Variants in DST observed in about 807,000 individuals in gnomAD.
DST encodes the protein dystonin, also known as bullous pemphigoid antigen.
A neutral mutation model predicts 875.2 loss-of-function variants in DST; 253 were observed. The observed-to-expected ratio is 0.29, with a 90% CI of 0.26 to 0.32. The LOEUF (loss-of-function observed/expected upper bound fraction) is 0.32, where lower values mean the gene tolerates loss of function less well. Ranked by LOEUF, DST falls within the 10% of genes least tolerant of loss-of-function variation. The pLI, the probability that DST is intolerant of heterozygous loss-of-function variation, is 1.00. For synonymous variants in DST, 3,124 were observed against 3,197.1 expected (o/e 0.98, Z 0.77); for missense variants, 8,287 against 9,111.6 (o/e 0.91, Z 3.68).
In DST at chr6:56,701,907, T is replaced by G. The variant is rs769914603; in HGVS notation, c.935A>C (p.Asp312Ala). 1.9e-6 allele frequency: 3 copies of G among 1,609,910 alleles called. No homozygotes were observed. The South Asian group carries it at 3.3e-5, about 18-fold the overall frequency. Residue 312 changes from aspartate (D) to alanine (A), a missense_variant, in exon 8 of 104, where the codon GAC becomes GCC. This residue lies in a region of DST where 1,160 missense variants were observed against 1,424.3 expected (regional missense o/e 0.81). Transcript: ENST00000680361. ...HRLQNVQIAL[D>A]YLKRRQVKLV... ...TCATACCTGGCGTCTTTTCAAATAG[T>G]CAAGTGCAATTTGTACATTCTGTAG...
intron 9 of DST, among the ~76,000 whole-genome samples, chr6:56,684,765 G>C (rs184064829): frequency 3.9e-5 from 6 of 152,314 alleles, no homozygotes; most frequent in African/African-American, 9.6e-5. Context: ...GCTGCACATA[G>C]ATAGGTCATG....
intron 10 of DST, among the ~76,000 whole-genome samples, chr6:56,666,829 G>A (rs2099074698): frequency 6.7e-6 from 1 of 149,266 alleles, no homozygotes; most frequent in African/African-American, 2.5e-5. Context: ...TCGACCTCCT[G>A]GACTCAAGCT....
At position 56,734,920 on chromosome 6, in the gene DST, T is replaced by A. The variant is rs79184672; in HGVS notation, c.687+308A>T. The stretch of plus-strand genomic sequence containing the variant: ...CTTACTAAGAAATGTAGCTTTTCCA[T>A]GCACTAACATATAAATATTTACAGA... On this transcript the variant is annotated intron_variant, in intron 5 of 103. Transcript: ENST00000680361. 2,133 of 246,612 alleles carry A rather than the reference T, an allele frequency of 8.6e-3. 49 individuals carry two copies. The highest frequency in any genetic ancestry group is 0.045 in the African/African-American group (1,926 of 43,178). 15.3% of individuals were successfully genotyped at this position (246,612 alleles called of 1,614,324 possible).
chr6:56,608,086 T>C lies in DST; in HGVS notation c.6542A>G (p.Asp2181Gly). Residue 2181 changes from aspartate to glycine, a missense_variant, in exon 40 of 104, where the codon GAT (aspartate) becomes GGT (glycine). Coordinates refer to ENST00000680361, the MANE Select transcript of DST (RefSeq NM_001374736.1). ...STVHDYRQEE[D>G]VFDGEEPVTT... ...GACAGGTTCTTCTCCATCAAAAACA[T>C]CCTCTTCTTGTCTGTAATCATGAAC... is the stretch of plus-strand genomic sequence containing the variant. 1.2e-6 allele frequency: 2 copies of C among 1,613,680 alleles called. No individual in the cohort carries two copies. The highest frequency in any genetic ancestry group is 1.7e-6 in the Non-Finnish European group (2 of 1,179,758).
intron 36 of DST, among the ~76,000 whole-genome samples, chr6:56,623,544 A>C (rs2098708549): frequency 1.3e-5 from 2 of 152,178 alleles, no homozygotes; most frequent in Admixed American, 1.3e-4. Context: ...GAACAGACTA[A>C]AACAGTTTAT....
intron 85 of DST, among the ~76,000 whole-genome samples, chr6:56,491,957 G>A (rs1042846645): frequency 6.6e-6 from 1 of 152,072 alleles, no homozygotes; most frequent in African/African-American, 2.4e-5. Flanking sequence ...CTTCTTTCTG[G>A]GCCTCAATGA....
chr6:56,475,126 T>C (rs767223768), intron 92 of DST, among the ~76,000 whole-genome samples: 70 of 152,280 alleles, frequency 4.6e-4, no homozygotes, highest in Non-Finnish European at 5.7e-4. Flanking sequence ...AAGGTTTAAC[T>C]ATCTTGCCAC....
At chr6:56,920,149 A>C (rs142174498) in intron 2 of DST, among the ~76,000 whole-genome samples, 9 of 152,314 alleles carry the variant, frequency 5.9e-5, no homozygotes, top group South Asian at 2.1e-4. Context: ...AAGAGATCCA[A>C]AAGTACAGCT....
chr6:56,693,171 C>A, intron 9 of DST: 1 of 1,259,130 alleles, frequency 7.9e-7, no homozygotes, highest in Non-Finnish European at 1.0e-6. Context: ...GAGATCACAG[C>A]TCCATAGATT....
At chr6:56,735,939 G>A (rs969722603) in intron 4 of DST, among the ~76,000 whole-genome samples, 8 of 152,016 alleles carry the variant, frequency 5.3e-5, no homozygotes, top group East Asian at 3.9e-4. Flanking sequence ...TGCAACCTCC[G>A]CCTCTGCCTC....
At chr6:56,701,766 A>G (rs1179769715) in intron 8 of DST, 122 bp downstream of exon 8, 1 of 595,930 alleles carries the variant, frequency 1.7e-6, no homozygotes, top group Non-Finnish European at 2.9e-6. Context: ...GCTTCACCAA[A>G]GCACAAGCTT....
At position 56,614,393 on chromosome 6, in the gene DST, G is replaced by C; in HGVS notation, c.5021C>G (p.Ala1674Gly). 6.2e-7 allele frequency: 1 copy of C among 1,608,388 alleles called. No individual in the cohort carries two copies. The highest frequency in any genetic ancestry group is 8.5e-7 in the Non-Finnish European group (1 of 1,177,290). ...VSNISKTLKD[A>G]EKAGKPPFSK... is the part of the protein sequence containing the mutation. ...GAAGGGAGGTTTTCCAGCCTTCTCT[G>C]CATCTTTCAATGTCTTGCTGATATT... is the stretch of plus-strand genomic sequence containing the variant. Residue 1674 changes from alanine (A) to glycine (G), a missense_variant, in exon 37 of 104, where the codon GCA (alanine) becomes GGA (glycine). Physicochemically the swap from Ala to Gly is moderately conservative, Grantham distance 60 (BLOSUM62 0). Coordinates refer to ENST00000680361, the MANE Select transcript of DST (RefSeq NM_001374736.1).
At chr6:56,863,191 T>C (rs997678862) in intron 3 of DST, 2 of 152,254 alleles carry the variant, frequency 1.3e-5, no homozygotes, top group East Asian at 3.8e-4. Flanking sequence ...TGAAGTGTTA[T>C]GGAGCCACTC....
Position 56,866,515 on chromosome 6 carries a change from C to T in DST, c.418-14911G>A, listed in dbSNP as rs538136418. On this transcript the variant is annotated intron_variant, in intron 3 of 103. Transcript: ENST00000680361. ...ACTTCACTCAGGATAAAATCCAAAG[C>T]CTGCACCATGACTTACAAGGCCTCC... Among the ~76,000 whole-genome samples, 3 of 152,296 alleles carry T rather than the reference C, an allele frequency of 2.0e-5. No individual in the cohort carries two copies. The South Asian group carries it at 6.2e-4, about 32-fold the overall frequency.
chr6:56,828,676 T>A (rs1223895100), intron 4 of DST, among the ~76,000 whole-genome samples: 1 of 152,184 alleles, frequency 6.6e-6, no homozygotes, highest in Non-Finnish European at 1.5e-5. Context: ...TTACTGACCC[T>A]CCTTTTCTGG....
intron 47 of DST, among the ~76,000 whole-genome samples, chr6:56,595,784 C>CCCG (rs2098367836): frequency 7.4e-6 from 1 of 135,322 alleles, no homozygotes. Flanking sequence ...ATGCTACCCC[C>CCCG]ACCCCACCCC....
At chr6:56,625,068 T>C in intron 35 of DST, 89 bp downstream of exon 35, 3 of 894,778 alleles carry the variant, frequency 3.4e-6, no homozygotes, top group Non-Finnish European at 5.6e-6. Context: ...TTATACTATG[T>C]ATATTTTACC....
intron 10 of DST, among the ~76,000 whole-genome samples, chr6:56,661,441 T>C (rs1455802193): frequency 1.3e-5 from 2 of 152,104 alleles, no homozygotes; most frequent in Non-Finnish European, 1.5e-5. Flanking sequence ...TCAAAACCCA[T>C]CTTCCCTCAA....
At chr6:56,573,953 C>A in intron 50 of DST, 66 bp from the exon 51 acceptor site, 1 of 1,148,266 alleles carries the variant, frequency 8.7e-7, no homozygotes, top group Non-Finnish European at 1.2e-6. Context: ...TTCAAAAACA[C>A]ATGAAGGTGA....
Sources: gnomAD v4.1 joint callset for allele counts (sites outside exome capture counted in the v4.1 genomes callset) on GRCh38, gnomAD v4.1.1 for gene constraint, gnomAD v4.1.1 regional missense constraint, MANE v1.5 for transcripts, NCBI Gene and HGNC (gene_info 2026-07-23, HGNC 2026-07-21) for gene names.